Variants in CAST observed in about 807,000 individuals in gnomAD.
The protein encoded by CAST is calpastatin.
CAST carries 76 observed loss-of-function variants against 119.6 expected under a neutral mutation model. The ratio of observed to expected loss-of-function variants is 0.64; its 90% CI spans 0.53 to 0.77. The LOEUF is 0.77. Ranked by LOEUF, CAST falls within the 30% of genes least tolerant of loss-of-function variation. CAST has a pLI of 0.00. For synonymous variants in CAST, 319 were observed against 331.6 expected, an observed-to-expected ratio of 0.96 and a Z score of 0.41; for missense variants, 953 against 946.5, an observed-to-expected ratio of 1.01 and a Z score of -0.09.
the CAST span, among the ~76,000 whole-genome samples, chr5:96,173,506 T>C: frequency 6.6e-6 from 1 of 152,202 alleles, no homozygotes; most frequent in Non-Finnish European, 1.5e-5. Context: ...AGTAACCCAA[T>C]TGGAATACCC....
chr5:96,277,546 A>C, the CAST span, among the ~76,000 whole-genome samples: 6 of 152,272 alleles, frequency 3.9e-5, no homozygotes, highest in Non-Finnish European at 7.4e-5. Context: ...AATAAGGATG[A>C]CTAAATAAAT....
chr5:96,345,075 T>C, the CAST span, among the ~76,000 whole-genome samples: 10 of 152,166 alleles, frequency 6.6e-5, no homozygotes, highest in Admixed American at 6.5e-4. Flanking sequence ...CATCGCTTTC[T>C]TTTCCAGTTT....
At chr5:96,091,061 G>A in the CAST span, among the ~76,000 whole-genome samples, 3 of 152,058 alleles carry the variant, frequency 2.0e-5, no homozygotes, top group Non-Finnish European at 4.4e-5. Context: ...GATTGCACCT[G>A]TCTCCATTAC....
chr5:96,489,284 G>C, the CAST span, among the ~76,000 whole-genome samples: 72 of 152,266 alleles, frequency 4.7e-4, no homozygotes, highest in African/African-American at 1.7e-3. Context: ...GCAGATCAAA[G>C]GATGCCTGAA....
chr5:96,103,857 C>A, the CAST span, among the ~76,000 whole-genome samples: 4 of 150,974 alleles, frequency 2.6e-5, no homozygotes, highest in Admixed American at 2.6e-4. Context: ...TCCTCTCCAG[C>A]ACCTGTTGTT....
At chr5:96,613,497 G>T (rs377243219) in intron 1 of CAST, among the ~76,000 whole-genome samples, 1 of 151,806 alleles carries the variant, frequency 6.6e-6, no homozygotes, top group African/African-American at 2.4e-5. Context: ...ATATTTTCAC[G>T]TTCATTTTCT....
chr5:96,412,316 A>G, the CAST span: 1 of 1,613,706 alleles, frequency 6.2e-7, no homozygotes, highest in South Asian at 1.1e-5. Context: ...AAAGCATCTT[A>G]CCTGTTTGAC....
At chr5:96,231,397 G>A in the CAST span, among the ~76,000 whole-genome samples, 1 of 152,138 alleles carries the variant, frequency 6.6e-6, no homozygotes, top group Non-Finnish European at 1.5e-5. Flanking sequence ...CATATTGTAT[G>A]ATTTCATGTA....
At chr5:96,094,367 G>T in the CAST span, among the ~76,000 whole-genome samples, 4 of 151,762 alleles carry the variant, frequency 2.6e-5, no homozygotes, top group Non-Finnish European at 5.9e-5. Flanking sequence ...GGAGACTGAT[G>T]AAATTTAAGA....
chr5:96,332,189 C>G, the CAST span, among the ~76,000 whole-genome samples: 1 of 152,216 alleles, frequency 6.6e-6, no homozygotes, highest in South Asian at 2.1e-4. Flanking sequence ...CAAAACAAAC[C>G]TCAGGGGTAG....
the CAST span, among the ~76,000 whole-genome samples, chr5:96,364,293 CTT>C: frequency 6.6e-6 from 1 of 152,096 alleles, no homozygotes; most frequent in African/African-American, 2.4e-5. Flanking sequence ...TCTAAAATCT[CTT>C]TTTTTGTTGT....
At chr5:96,381,749 T>C in the CAST span, among the ~76,000 whole-genome samples, 4 of 152,354 alleles carry the variant, frequency 2.6e-5, no homozygotes, top group Admixed American at 1.3e-4. Flanking sequence ...TCTTTTGATC[T>C]CAGATACTAG....
At chr5:96,315,200 G>C in the CAST span, among the ~76,000 whole-genome samples, 1 of 152,326 alleles carries the variant, frequency 6.6e-6, no homozygotes, top group African/African-American at 2.4e-5. Flanking sequence ...TATTAGGACT[G>C]TGGGATTAAA....
chr5:96,403,730 G>C, the CAST span, among the ~76,000 whole-genome samples: 1 of 152,200 alleles, frequency 6.6e-6, no homozygotes, highest in South Asian at 2.1e-4. Context: ...AGTCTTAGGA[G>C]CTATCTGGTT....
At chr5:96,558,260 T>C (rs1746283534) in intron 1 of CAST, among the ~76,000 whole-genome samples, 1 of 151,750 alleles carries the variant, frequency 6.6e-6, no homozygotes, top group South Asian at 2.1e-4. Flanking sequence ...GCAGGAAAGA[T>C]CTAAAATTGA....
At chr5:96,451,054 A>G in the CAST span, among the ~76,000 whole-genome samples, 1 of 152,168 alleles carries the variant, frequency 6.6e-6, no homozygotes, top group Admixed American at 6.5e-5. Flanking sequence ...GATCTGACCT[A>G]TGCCCTCCTA....
At chr5:96,464,935 G>C in the CAST span, among the ~76,000 whole-genome samples, 2 of 151,956 alleles carry the variant, frequency 1.3e-5, no homozygotes, top group Non-Finnish European at 2.9e-5. Context: ...AGATTTTCAA[G>C]TTCCTAATAA....
chr5:96,227,714 AT>A, the CAST span, among the ~76,000 whole-genome samples: 1 of 152,176 alleles, frequency 6.6e-6, no homozygotes, highest in African/African-American at 2.4e-5. Flanking sequence ...ATTTTCAAAA[AT>A]TACATGGTAG....
At chr5:96,614,272 T>C (rs1382918248) in intron 1 of CAST, among the ~76,000 whole-genome samples, 1 of 152,208 alleles carries the variant, frequency 6.6e-6, no homozygotes, top group Non-Finnish European at 1.5e-5. Flanking sequence ...TGTTGGCAAA[T>C]GCCTGACTCG....
Sources: gnomAD v4.1 joint callset for allele counts (sites outside exome capture counted in the v4.1 genomes callset) on GRCh38, gnomAD v4.1.1 for gene constraint, MANE v1.5 for transcripts, NCBI Gene and HGNC (gene_info 2026-07-23, HGNC 2026-07-21) for gene names.